FCHSD2: variants seen among roughly 807,000 people sequenced by gnomAD.
FCHSD2 encodes FCH and double SH3 domains 2.
A neutral mutation model predicts 108.1 loss-of-function variants in FCHSD2; 38 were observed. The ratio of observed to expected loss-of-function variants is 0.35; its 90% CI spans 0.27 to 0.46. The LOEUF (loss-of-function observed/expected upper bound fraction) is 0.46. Ranked by LOEUF, FCHSD2 falls within the 20% of genes least tolerant of loss-of-function variation. The pLI is 1.00. For synonymous variants in FCHSD2, 279 were observed against 314.7 expected (o/e 0.89, Z 1.20); for missense variants, 751 against 897.8 (o/e 0.84, Z 2.09).
chr11:73,102,619 G>A (rs1245971669), intron 2 of FCHSD2, among the ~76,000 whole-genome samples: 2 of 152,214 alleles, frequency 1.3e-5, no homozygotes, highest in South Asian at 2.1e-4. Context: ...AGACTTTTAA[G>A]AGATGATTAG....
chr11:72,908,272 C>T (rs956807033), intron 9 of FCHSD2, among the ~76,000 whole-genome samples: 14 of 152,134 alleles, frequency 9.2e-5, no homozygotes, highest in African/African-American at 3.1e-4. Flanking sequence ...TTTCTCTATC[C>T]GTTCATCTGT....
chr11:72,854,616 G>A (rs1357957825), intron 13 of FCHSD2, among the ~76,000 whole-genome samples: 1 of 152,150 alleles, frequency 6.6e-6, no homozygotes, highest in Non-Finnish European at 1.5e-5. Flanking sequence ...TTAAAAAGGA[G>A]GGAAATTTTG....
At chr11:73,115,980 A>T (rs1860592154) in intron 2 of FCHSD2, among the ~76,000 whole-genome samples, 1 of 152,264 alleles carries the variant, frequency 6.6e-6, no homozygotes, top group South Asian at 2.1e-4. Flanking sequence ...AGTAACCATC[A>T]CAGGGGCACA....
chr11:73,081,183 C>T (rs1215068794), intron 3 of FCHSD2, among the ~76,000 whole-genome samples: 1 of 152,142 alleles, frequency 6.6e-6, no homozygotes, highest in East Asian at 1.9e-4. Flanking sequence ...TGCCTGAAAT[C>T]CCAACACTTT....
At chr11:72,873,759 G>A (rs1262773254) in intron 12 of FCHSD2, among the ~76,000 whole-genome samples, 1 of 152,082 alleles carries the variant, frequency 6.6e-6, no homozygotes, top group African/African-American at 2.4e-5. Flanking sequence ...ATGTAAAGTG[G>A]GGTTGTTAAG....
At chr11:73,005,902 C>CTTT (rs56872243) in intron 4 of FCHSD2, among the ~76,000 whole-genome samples, 2 of 125,662 alleles carry the variant, frequency 1.6e-5, no homozygotes, top group East Asian at 2.3e-4. Flanking sequence ...TATTCCTAAA[C>CTTT]TTTTTTTTTT....
intron 13 of FCHSD2, among the ~76,000 whole-genome samples, chr11:72,854,055 A>T (rs1258658620): frequency 6.6e-6 from 1 of 152,252 alleles, no homozygotes; most frequent in Non-Finnish European, 1.5e-5. Context: ...TGTTATATAT[A>T]TTTTTAAAAA....
At chr11:73,027,793 A>C (rs1216598013) in intron 3 of FCHSD2, among the ~76,000 whole-genome samples, 2 of 152,242 alleles carry the variant, frequency 1.3e-5, no homozygotes, top group African/African-American at 4.8e-5. Context: ...CAGCCTTGGG[A>C]CACGGTGCCC....
At chr11:73,026,984 T>C (rs927096756) in intron 3 of FCHSD2, among the ~76,000 whole-genome samples, 1 of 152,116 alleles carries the variant, frequency 6.6e-6, no homozygotes, top group African/African-American at 2.4e-5. Flanking sequence ...CCTTGATAAA[T>C]TACCCAGTCT....
intron 5 of FCHSD2, among the ~76,000 whole-genome samples, chr11:72,996,362 A>G (rs1281307719): frequency 2.0e-5 from 3 of 152,224 alleles, no homozygotes; most frequent in East Asian, 3.8e-4. Flanking sequence ...TGCAAACTCT[A>G]AAGTGTTATA....
At chr11:73,027,275 G>A (rs925719087) in intron 3 of FCHSD2, among the ~76,000 whole-genome samples, 1 of 152,174 alleles carries the variant, frequency 6.6e-6, no homozygotes, top group Non-Finnish European at 1.5e-5. Flanking sequence ...AGAGGGAGAA[G>A]AGGAACTTAT....
intron 2 of FCHSD2, among the ~76,000 whole-genome samples, chr11:73,109,582 G>C (rs1428394267): frequency 6.6e-6 from 1 of 152,134 alleles, no homozygotes; most frequent in Non-Finnish European, 1.5e-5. Flanking sequence ...CAAATTTACT[G>C]AATTTAATGG....
At chr11:72,941,868 G>C (rs552995729) in intron 8 of FCHSD2, among the ~76,000 whole-genome samples, 89 of 152,218 alleles carry the variant, frequency 5.8e-4, no homozygotes, top group Middle Eastern at 6.8e-3. Context: ...AGTTATCAAA[G>C]AGGTGTATTA....
Position 73,028,855 on chromosome 11 carries a change from C to T in FCHSD2, c.166-12970G>A, listed in dbSNP as rs967266959. Among the ~76,000 whole-genome samples, 47 of 152,170 alleles carry T rather than the reference C, an allele frequency of 3.1e-4. 1 individual carries two copies. The highest frequency in any genetic ancestry group is 1.1e-3 in the African/African-American group (46 of 41,428). On this transcript the variant is annotated intron_variant, in intron 3 of 19. Coordinates refer to ENST00000409418, the MANE Select transcript of FCHSD2 (RefSeq NM_014824.3). ...TTCCCCTTTCGTTCTCTCCGTCTCT[C>T]CTGCCACCATGTAAGAGATGCCTTG...
chr11:73,105,840 T>G (rs1860329605), intron 2 of FCHSD2, among the ~76,000 whole-genome samples: 1 of 152,190 alleles, frequency 6.6e-6, no homozygotes, highest in Non-Finnish European at 1.5e-5. Flanking sequence ...AACCATAATA[T>G]TTGAATCTAT....
At chr11:72,961,645 C>A (rs1227133589) in intron 8 of FCHSD2, among the ~76,000 whole-genome samples, 1 of 152,134 alleles carries the variant, frequency 6.6e-6, no homozygotes, top group Non-Finnish European at 1.5e-5. Context: ...AATTCCCTAC[C>A]CTGTTTGCCC....
At chr11:73,061,805 C>T (rs1007759320) in intron 3 of FCHSD2, among the ~76,000 whole-genome samples, 2 of 152,186 alleles carry the variant, frequency 1.3e-5, no homozygotes, top group African/African-American at 4.8e-5. Flanking sequence ...GGCAGCAGCC[C>T]CAGTCAGGGG....
chr11:72,923,851 A>G (rs1318182983), intron 8 of FCHSD2, among the ~76,000 whole-genome samples: 1 of 152,158 alleles, frequency 6.6e-6, no homozygotes, highest in Non-Finnish European at 1.5e-5. Flanking sequence ...AGGCAGGAGA[A>G]CTGCTTGTAC....
chr11:72,843,998 AC>A (rs756902670), intron 14 of FCHSD2, among the ~76,000 whole-genome samples: 1 of 152,104 alleles, frequency 6.6e-6, no homozygotes, highest in Non-Finnish European at 1.5e-5. Context: ...ACAGAGCGAG[AC>A]CCTGTCTCTA....
Sources: gnomAD v4.1 joint callset for allele counts (sites outside exome capture counted in the v4.1 genomes callset) on GRCh38, gnomAD v4.1.1 for gene constraint, MANE v1.5 for transcripts, NCBI Gene and HGNC (gene_info 2026-07-23, HGNC 2026-07-21) for gene names.